The following KCNN2 variants were observed in gnomAD, a reference collection of about 807,000 sequenced individuals.
KCNN2 encodes the protein small conductance calcium-activated potassium channel protein 2.
Under a neutral mutation model 55.5 loss-of-function variants are expected in KCNN2, and 24 were observed. That is an observed-to-expected ratio of 0.43 (90% CI 0.31 to 0.61). The LOEUF is 0.61. Among genes scored for constraint, KCNN2 ranks in the 20% least tolerant of loss-of-function variants. The probability of loss-of-function intolerance (pLI) is 0.08; values close to 1 mark genes in which losing one functional copy is unlikely to be tolerated. For synonymous variants in KCNN2, 431 were observed against 336.1 expected (o/e 1.28, Z -3.09); for missense variants, 754 against 853.6 (o/e 0.88, Z 1.45).
chr5:114,429,495 G>A (rs777172523), intron 3 of KCNN2, among the ~76,000 whole-genome samples: 8 of 151,880 alleles, frequency 5.3e-5, no homozygotes, highest in Non-Finnish European at 1.2e-4. Flanking sequence ...TTCTAAATCG[G>A]GTTGTTCATT....
chr5:114,446,196 A>C (rs1561388349), intron 3 of KCNN2, among the ~76,000 whole-genome samples: 1 of 152,200 alleles, frequency 6.6e-6, no homozygotes, highest in African/African-American at 2.4e-5. Context: ...AAGAAGCATC[A>C]CAACAAAATA....
At chr5:114,208,002 C>G (rs12518874) in intron 1 of KCNN2, among the ~76,000 whole-genome samples, 1,961 of 152,266 alleles carry the variant, frequency 0.013, 148 homozygotes, top group Admixed American at 0.11. Context: ...AGTGGGAACA[C>G]AGTAGGTAGG....
At chr5:114,255,356 A>G (rs1006118627) in intron 2 of KCNN2, among the ~76,000 whole-genome samples, 1 of 152,200 alleles carries the variant, frequency 6.6e-6, no homozygotes, top group East Asian at 1.9e-4. Flanking sequence ...CTCTTAGCAG[A>G]AAAAGGAGGA....
At chr5:114,275,669 C>T (rs761762577) in intron 2 of KCNN2, among the ~76,000 whole-genome samples, 38 of 152,122 alleles carry the variant, frequency 2.5e-4, no homozygotes, top group African/African-American at 6.7e-4. Context: ...TTTGTGGGAT[C>T]GGTGGTGATA....
rs1348318353 is a variant in KCNN2, at chr5:114,493,467, G to A, written c.2083G>A (p.Ala695Thr). Residue 695 changes from alanine to threonine, a missense_variant, in exon 7 of 8, where the codon GCA becomes ACA. Physicochemically the swap from Ala to Thr is moderately conservative, Grantham distance 58. Coordinates refer to ENST00000673685, the MANE Select transcript of KCNN2 (RefSeq NM_021614.4). Reference sequence around the variant, plus strand: ...CCAAGCAAACACTTTGGTGGACTTGGCAAAGGTAAGCCTGAGGTGCTTAGC... The same window carrying A: ...CCAAGCAAACACTTTGGTGGACTTGACAAAGGTAAGCCTGAGGTGCTTAGC... ...NDQANTLVDL[A>T]KTQNIMYDMI... The A allele has an allele frequency of 6.2e-7, 1 of 1,608,512 alleles. No individual in the cohort carries two copies. The highest frequency in any genetic ancestry group is 1.1e-5 in the South Asian group (1 of 90,958).
At chr5:114,274,179 G>A (rs748073231) in intron 2 of KCNN2, among the ~76,000 whole-genome samples, 8 of 152,052 alleles carry the variant, frequency 5.3e-5, no homozygotes, top group African/African-American at 1.2e-4. Flanking sequence ...GAAGGCCTGC[G>A]TTCTGTTCCA....
intron 5 of KCNN2, among the ~76,000 whole-genome samples, chr5:114,480,025 C>T (rs1762154017): frequency 6.6e-6 from 1 of 151,940 alleles, no homozygotes; most frequent in South Asian, 2.1e-4. Context: ...CAGAGCTGAA[C>T]TGAAGAAGAC....
chr5:114,131,241 A>G (rs1752066404), intron 1 of KCNN2, among the ~76,000 whole-genome samples: 1 of 152,096 alleles, frequency 6.6e-6, no homozygotes, highest in Admixed American at 6.5e-5. Flanking sequence ...CTAGGTATTA[A>G]GCCCTGCAAG....
intron 2 of KCNN2, among the ~76,000 whole-genome samples, chr5:114,375,070 TATC>T (rs1757892170): frequency 6.6e-6 from 1 of 152,166 alleles, no homozygotes; most frequent in South Asian, 2.1e-4. Flanking sequence ...ATAGTATGCT[TATC>T]ATGCTTTTCA....
At chr5:114,085,148 T>C (rs1750987972) in intron 1 of KCNN2, among the ~76,000 whole-genome samples, 1 of 151,978 alleles carries the variant, frequency 6.6e-6, no homozygotes, top group South Asian at 2.1e-4. Flanking sequence ...TCAGATAGTG[T>C]GTGTTCTTAC....
chr5:114,452,138 G>C (rs1042553845), intron 3 of KCNN2, among the ~76,000 whole-genome samples: 43 of 152,134 alleles, frequency 2.8e-4, no homozygotes, highest in Admixed American at 2.7e-3. Context: ...GATTGGGGCA[G>C]TTTACATTCT....
At chr5:114,262,762 G>C (rs930403937) in intron 2 of KCNN2, among the ~76,000 whole-genome samples, 1 of 152,150 alleles carries the variant, frequency 6.6e-6, no homozygotes, top group Non-Finnish European at 1.5e-5. Context: ...TGCTTGTTGA[G>C]ATGGACAGCG....
intron 2 of KCNN2, among the ~76,000 whole-genome samples, chr5:114,246,093 C>A (rs1754743843): frequency 6.6e-6 from 1 of 152,124 alleles, no homozygotes; most frequent in Admixed American, 6.5e-5. Context: ...TTCCACTGAT[C>A]TGTTAGGTGA....
At chr5:114,223,216 G>T (rs1285170439) in intron 2 of KCNN2, among the ~76,000 whole-genome samples, 1 of 152,166 alleles carries the variant, frequency 6.6e-6, no homozygotes, top group African/African-American at 2.4e-5. Context: ...AGTTTTGAAG[G>T]TCTGCATGGA....
chr5:114,344,014 T>G (rs1757063348), intron 2 of KCNN2, among the ~76,000 whole-genome samples: 1 of 152,218 alleles, frequency 6.6e-6, no homozygotes, highest in African/African-American at 2.4e-5. Context: ...TCTTTAAACA[T>G]GCACTGGAAC....
chr5:114,373,027 ATTAT>A (rs1757808395), intron 2 of KCNN2, among the ~76,000 whole-genome samples: 1 of 152,206 alleles, frequency 6.6e-6, no homozygotes, highest in African/African-American at 2.4e-5. Flanking sequence ...ATTAAAGGGT[ATTAT>A]TTAAGACAAC....
intron 1 of KCNN2, among the ~76,000 whole-genome samples, chr5:114,080,947 A>G (rs1454149331): frequency 6.6e-6 from 1 of 152,194 alleles, no homozygotes; most frequent in Non-Finnish European, 1.5e-5. Context: ...GATTCCGCAC[A>G]AAACACTGTT....
intron 2 of KCNN2, among the ~76,000 whole-genome samples, chr5:114,384,340 C>T (rs974268369): frequency 6.6e-6 from 1 of 152,112 alleles, no homozygotes; most frequent in African/African-American, 2.4e-5. Context: ...TTAGTTGTTC[C>T]ATGAAATATG....
intron 1 of KCNN2, among the ~76,000 whole-genome samples, chr5:114,160,934 C>G (rs986270647): frequency 5.9e-5 from 9 of 152,128 alleles, no homozygotes; most frequent in Non-Finnish European, 4.4e-5. Context: ...ATACAGCACA[C>G]TGATGGGTCT....
Sources: gnomAD v4.1 joint callset for allele counts (sites outside exome capture counted in the v4.1 genomes callset) on GRCh38, gnomAD v4.1.1 for gene constraint, MANE v1.5 for transcripts, NCBI Gene and HGNC (gene_info 2026-07-23, HGNC 2026-07-21) for gene names.